PSMB7: variants seen among roughly 807,000 people sequenced by gnomAD.
The protein encoded by PSMB7 is proteasome 20S subunit beta 7.
Under a neutral mutation model 28.1 loss-of-function variants are expected in PSMB7, and 5 were observed. The ratio of observed to expected loss-of-function variants is 0.18; its 90% CI spans 0.09 to 0.37. The LOEUF (loss-of-function observed/expected upper bound fraction) is 0.37. PSMB7 is among the 10% of genes least tolerant of loss of function. The pLI is 1.00. For missense variants in PSMB7, 275 were observed against 346.2 expected (o/e 0.79, Z 1.63); for synonymous variants, 122 against 123.7 (o/e 0.99, Z 0.09).
At chr9:124,357,684 G>A (rs910843904) in intron 6 of PSMB7, among the ~76,000 whole-genome samples, 11 of 152,130 alleles carry the variant, frequency 7.2e-5, no homozygotes, top group African/African-American at 1.2e-4. Context: ...TTTCTTATCC[G>A]AGAAGCCCCA....
intron 4 of PSMB7, 64 bp from the exon 5 acceptor site, chr9:124,405,496 C>T: frequency 8.8e-7 from 1 of 1,132,034 alleles, no homozygotes; most frequent in Non-Finnish European, 1.3e-6. Flanking sequence ...GTAACTTAGC[C>T]AAAAGTTGCA....
chr9:124,382,191 CTCTTT>C (rs1224824836), intron 6 of PSMB7, among the ~76,000 whole-genome samples: 10 of 121,966 alleles, frequency 8.2e-5, no homozygotes, highest in African/African-American at 2.6e-4. Context: ...CTGTCTCTCT[CTCTTT>C]TCTCTTTTTT....
intron 6 of PSMB7, among the ~76,000 whole-genome samples, chr9:124,378,853 G>A (rs1830637782): frequency 1.3e-5 from 2 of 152,258 alleles, no homozygotes; most frequent in East Asian, 1.9e-4. Flanking sequence ...CAGGTATCAT[G>A]ATCAAACTCC....
chr9:124,407,714 A>G (rs1830981350), intron 4 of PSMB7, among the ~76,000 whole-genome samples: 1 of 152,254 alleles, frequency 6.6e-6, no homozygotes, highest in Non-Finnish European at 1.5e-5. Context: ...TTCTAAGGAT[A>G]TAAACAGACA....
chr9:124,382,200 C>CTT (rs1164339420), intron 6 of PSMB7, among the ~76,000 whole-genome samples: 3,208 of 55,938 alleles, frequency 0.057, 324 homozygotes, highest in Admixed American at 0.078. Context: ...TCTCTTTTCT[C>CTT]TTTTTTTTTT....
rs1199533503 is a variant in PSMB7 at position 124,384,621 on chromosome 9, C to T, written c.547G>A (p.Asp183Asn). The T allele has an allele frequency of 6.2e-7, 1 of 1,613,650 alleles. No homozygotes were observed. The highest frequency in any genetic ancestry group is 8.5e-7 in the Non-Finnish European group (1 of 1,179,788). ...GSLAAMAVFEDKFRPDMEEEE... is the reference protein window; with the variant it reads ...GSLAAMAVFENKFRPDMEEEE... ...ACCTCCATGTCTGGCCTAAACTTAT[C>T]TTCAAATACAGCCATTGCTGCCAAG... Residue 183 changes from aspartate (D) to asparagine (N), a missense_variant, in exon 6 of 8, where the codon GAT (aspartate) becomes AAT (asparagine). Around this residue, in one of 2 missense-constraint regions of PSMB7, gnomAD observed 213 missense variants for 302.4 expected, o/e 0.70. Coordinates refer to ENST00000259457, the MANE Select transcript of PSMB7 (RefSeq NM_002799.4).
At position 124,377,056 on chromosome 9, in the gene PSMB7, TA is replaced by T. The variant is rs377148578; in HGVS notation, c.570+7541del. Among the ~76,000 whole-genome samples, 508 of 152,302 alleles carry T rather than the reference TA, an allele frequency of 3.3e-3. 3 individuals are homozygous for T. Among genetic ancestry groups the T allele is most frequent in the African/African-American group, 0.011 (454 of 41,554 alleles). On this transcript the variant is annotated intron_variant, in intron 6 of 7. Transcript: ENST00000259457. ...TCACCAAGCCTGATGCCAGCACAAA[TA>T]ATCACATTACTCGTTGCTATGCGAT...
intron 6 of PSMB7, among the ~76,000 whole-genome samples, chr9:124,361,999 T>C (rs1394871853): frequency 6.6e-6 from 1 of 152,208 alleles, no homozygotes; most frequent in Non-Finnish European, 1.5e-5. Context: ...AGCATCAAAT[T>C]AATACTCTTT....
At chr9:124,412,537 G>C (rs1207073162) in intron 3 of PSMB7, 45 bp from the exon 4 acceptor site, 1 of 1,606,268 alleles carries the variant, frequency 6.2e-7, no homozygotes, top group Non-Finnish European at 8.5e-7. Context: ...AATTACCAGA[G>C]GGCTCAATTA....
intron 3 of PSMB7, among the ~76,000 whole-genome samples, chr9:124,412,723 T>C (rs886119735): frequency 1.3e-5 from 2 of 152,242 alleles, no homozygotes; most frequent in African/African-American, 2.4e-5. Context: ...CATGAAATTA[T>C]TGGTTTCTGT....
chr9:124,368,660 T>C (rs1000973155), intron 6 of PSMB7, among the ~76,000 whole-genome samples: 2 of 152,248 alleles, frequency 1.3e-5, no homozygotes, highest in African/African-American at 4.8e-5. Context: ...CATTTGTTGA[T>C]TGTAAATCTT....
chr9:124,414,972 G>T, intron 1 of PSMB7, 37 bp from the exon 2 acceptor site: 1 of 1,419,684 alleles, frequency 7.0e-7, no homozygotes, highest in Non-Finnish European at 9.9e-7. Flanking sequence ...TTGAAGGGCA[G>T]GACCACATCG....
intron 6 of PSMB7, among the ~76,000 whole-genome samples, chr9:124,381,063 A>C (rs1830659753): frequency 6.6e-6 from 1 of 152,240 alleles, no homozygotes; most frequent in Non-Finnish European, 1.5e-5. Flanking sequence ...TCTTGTATTA[A>C]GTCTCTGAAA....
intron 5 of PSMB7, among the ~76,000 whole-genome samples, chr9:124,404,079 C>G (rs1320693589): frequency 2.0e-5 from 3 of 151,718 alleles, no homozygotes; most frequent in Non-Finnish European, 4.4e-5. Flanking sequence ...TGGCACAGAC[C>G]GGGTCTTGCT....
At chr9:124,366,327 C>T (rs895616269) in intron 6 of PSMB7, among the ~76,000 whole-genome samples, 2 of 152,210 alleles carry the variant, frequency 1.3e-5, no homozygotes, top group African/African-American at 2.4e-5. Flanking sequence ...TCGCTTGAAC[C>T]TGGAGGTGGA....
intron 5 of PSMB7, among the ~76,000 whole-genome samples, chr9:124,395,366 G>T (rs1332474990): frequency 6.6e-6 from 1 of 151,816 alleles, no homozygotes; most frequent in East Asian, 1.9e-4. Flanking sequence ...GTAGTGGTGT[G>T]CCCATAGTCC....
chr9:124,413,530 G>A (rs1489664855), intron 3 of PSMB7, among the ~76,000 whole-genome samples: 3 of 152,088 alleles, frequency 2.0e-5, no homozygotes, highest in Non-Finnish European at 4.4e-5. Flanking sequence ...GTGAACAATA[G>A]GATGCCTAAG....
intron 3 of PSMB7, among the ~76,000 whole-genome samples, chr9:124,413,148 T>A (rs1243374399): frequency 1.1e-5 from 1 of 93,608 alleles, no homozygotes; most frequent in African/African-American, 4.7e-5. Flanking sequence ...TGACCGCATC[T>A]CTCCCAAAAA....
chr9:124,415,245 G>C (rs1427694295), intron 1 of PSMB7, 119 bp downstream of exon 1: 2 of 1,143,942 alleles, frequency 1.7e-6, no homozygotes, highest in Admixed American at 2.0e-5. Context: ...ACTAGCCGCG[G>C]GCCACAGGCC....
Sources: allele counts gnomAD v4.1 joint callset (sites outside exome capture counted in the v4.1 genomes callset), GRCh38; gene constraint gnomAD v4.1.1; regional missense constraint gnomAD v4.1.1; transcripts MANE v1.5; gene names NCBI Gene and HGNC (gene_info 2026-07-23, HGNC 2026-07-21).